The following DESI1 variants were observed in gnomAD, a reference collection of about 807,000 sequenced individuals.
DESI1 encodes the protein PPPDE peptidase domain containing 2.
A neutral mutation model predicts 22.4 loss-of-function variants in DESI1; 17 were observed. That is an observed-to-expected ratio of 0.76 (90% CI 0.52 to 1.14). DESI1 has a LOEUF of 1.14. Among genes scored for constraint, DESI1 ranks in the 50% most tolerant of loss-of-function variants. The pLI, the probability that DESI1 is intolerant of heterozygous loss-of-function variation, is 0.00. For missense variants in DESI1, 177 were observed against 208.9 expected, an observed-to-expected ratio of 0.85 and a Z score of 0.94; for synonymous variants, 92 against 84.2, an observed-to-expected ratio of 1.09 and a Z score of -0.51.
In DESI1 at chr22:41,621,029, T is replaced by C. The variant is rs936774222; in HGVS notation, c.-190A>G. 1.8e-5 allele frequency: 11 copies of C among 605,918 alleles called. No homozygotes were observed. Among genetic ancestry groups the C allele is most frequent in the South Asian group, 1.2e-4 (6 of 48,400 alleles). The allele number at this position is 605,918 out of a possible 1,614,324, so 37.5% of individuals were successfully genotyped here. A position where few individuals can be genotyped will look rare whatever the true frequency, so the allele number is the denominator to read the frequency against. On this transcript the variant is annotated 5_prime_UTR_variant, in exon 1 of 6. Coordinates refer to ENST00000263256, the MANE Select transcript of DESI1 (RefSeq NM_015704.3). ...CACCCGCTACCGGCAACGACTACTG[T>C]GAGGTGACAGAGAGGGGACAGGGAG...
At position 41,607,319 on chromosome 22, in the gene DESI1, T is replaced by G. The variant is rs1246280834; in HGVS notation, c.123A>C (p.Ile41=). ...AGAAGAACTCATCCTTGTGCACAAC[T>G]ATGGATGTGTGCCTGTCACACAGAG... ...KQLEGIWHTS[I]VVHKDEFFFG... is the part of the protein sequence containing the mutation. The change falls in exon 3 of 6, where the codon ATA becomes ATC. Residue 41 remains isoleucine, a synonymous_variant. Transcript: ENST00000263256. 6.2e-7 allele frequency: 1 copy of G among 1,611,874 alleles called. No individual in the cohort carries two copies. Among genetic ancestry groups the G allele is most frequent in the African/African-American group, 1.3e-5 (1 of 74,718 alleles).
chr22:41,612,448 T>C (rs943790799), intron 1 of DESI1, among the ~76,000 whole-genome samples: 40 of 148,450 alleles, frequency 2.7e-4, no homozygotes, highest in African/African-American at 9.2e-4. Context: ...GGTGTTGCAG[T>C]GAGCTGCGAT....
chr22:41,601,199 A>G lies in DESI1; in HGVS notation c.414-9T>C, dbSNP rs199719402. 85 of 1,602,894 alleles carry G rather than the reference A, an allele frequency of 5.3e-5. No homozygotes were observed. Among genetic ancestry groups the G allele is most frequent in the Non-Finnish European group, 6.9e-5 (81 of 1,175,040 alleles). ...GTGCCTGTCCAAAGGGCCTGCAAGG[A>G]AACAGAGACATGAGAGGGGTGGGCT... On this transcript the variant is annotated splice_polypyrimidine_tract_variant and intron_variant, in intron 5 of 5. Transcript: ENST00000263256.
At chr22:41,610,897 TG>T (rs2067513312) in intron 1 of DESI1, among the ~76,000 whole-genome samples, 1 of 147,484 alleles carries the variant, frequency 6.8e-6, no homozygotes, top group African/African-American at 2.5e-5. Flanking sequence ...AGACCACAAG[TG>T]GATAGAGGGA....
At chr22:41,605,408 G>C (rs956915532) in intron 3 of DESI1, among the ~76,000 whole-genome samples, 2 of 152,144 alleles carry the variant, frequency 1.3e-5, no homozygotes, top group African/African-American at 4.8e-5. Flanking sequence ...AACGGGATCA[G>C]CAGGAGAACA....
At chr22:41,615,272 T>TAAAAA (rs58574960) in intron 1 of DESI1, among the ~76,000 whole-genome samples, 4 of 108,490 alleles carry the variant, frequency 3.7e-5, no homozygotes, top group East Asian at 2.7e-4. Context: ...TACTAAAAAT[T>TAAAAA]AAAAAAAAAA....
intron 3 of DESI1, among the ~76,000 whole-genome samples, chr22:41,604,535 C>T (rs2067468067): frequency 6.6e-6 from 1 of 152,130 alleles, no homozygotes; most frequent in Non-Finnish European, 1.5e-5. Context: ...GTGTGAGCTA[C>T]TGCGCCCAGC....
intron 3 of DESI1, among the ~76,000 whole-genome samples, chr22:41,604,401 A>G (rs1331946472): frequency 6.6e-6 from 1 of 151,964 alleles, no homozygotes; most frequent in East Asian, 1.9e-4. Context: ...GCCTGCCACC[A>G]TGCCCAGATA....
intron 1 of DESI1, among the ~76,000 whole-genome samples, chr22:41,617,570 A>C (rs6002422): frequency 4.6e-5 from 7 of 152,360 alleles, no homozygotes; most frequent in African/African-American, 1.7e-4. Context: ...GGGATGAATC[A>C]GTAAGACCAT....
intron 1 of DESI1, among the ~76,000 whole-genome samples, chr22:41,611,871 G>A (rs898222097): frequency 1.1e-4 from 17 of 152,226 alleles, no homozygotes; most frequent in Middle Eastern, 3.4e-3. Flanking sequence ...GATTACAGGC[G>A]TGAGCTACCG....
intron 4 of DESI1, 104 bp from the exon 5 acceptor site, chr22:41,603,485 G>C: frequency 6.5e-7 from 1 of 1,538,014 alleles, no homozygotes. Context: ...TCAATGTGAG[G>C]ATTGCGATTT....
intron 1 of DESI1, among the ~76,000 whole-genome samples, chr22:41,609,079 T>C (rs2067500695): frequency 6.6e-6 from 1 of 152,126 alleles, no homozygotes; most frequent in African/African-American, 2.4e-5. Flanking sequence ...GTAGCTGGGA[T>C]TACAGGCATG....
At position 41,607,341 on chromosome 22, in the gene DESI1, A is replaced by T; in HGVS notation, c.111-10T>A. 1 of 1,604,456 alleles carries T rather than the reference A, an allele frequency of 6.2e-7. No individual in the cohort carries two copies. The highest frequency in any genetic ancestry group is 8.5e-7 in the Non-Finnish European group (1 of 1,175,956). Reference sequence around the variant, plus strand: ...AACTATGGATGTGTGCCTGTCACACAGAGAGAGACACAGTAAGCCAGAAAA... The same window carrying T: ...AACTATGGATGTGTGCCTGTCACACTGAGAGAGACACAGTAAGCCAGAAAA... On this transcript the variant is annotated splice_polypyrimidine_tract_variant and intron_variant, in intron 2 of 5. Coordinates refer to ENST00000263256, the MANE Select transcript of DESI1 (RefSeq NM_015704.3).
At chr22:41,614,647 T>C (rs1404849555) in intron 1 of DESI1, among the ~76,000 whole-genome samples, 1 of 129,892 alleles carries the variant, frequency 7.7e-6, no homozygotes, top group Non-Finnish European at 1.6e-5. Flanking sequence ...TGCAGTGGCA[T>C]GATCTCGGCT....
rs766021583 is a variant in DESI1 at position 41,607,340 on chromosome 22, CAG to C, written c.111-11_111-10del. 9.4e-6 allele frequency: 15 copies of C among 1,603,810 alleles called. No homozygotes were observed. The highest frequency in any genetic ancestry group is 1.3e-5 in the Non-Finnish European group (15 of 1,175,868). ...CAACTATGGATGTGTGCCTGTCACACAGAGAGAGACACAGTAAGCCAGAAAAC... is the reference window on the plus strand; with the variant it reads ...CAACTATGGATGTGTGCCTGTCACACAGAGAGACACAGTAAGCCAGAAAAC... On this transcript the variant is annotated splice_polypyrimidine_tract_variant and intron_variant, in intron 2 of 5. Coordinates refer to ENST00000263256, the MANE Select transcript of DESI1 (RefSeq NM_015704.3).
intron 1 of DESI1, among the ~76,000 whole-genome samples, chr22:41,617,193 T>A (rs1175390456): frequency 6.6e-6 from 1 of 152,136 alleles, no homozygotes; most frequent in East Asian, 1.9e-4. Context: ...GAACGCGAGC[T>A]CTGGAAGTCA....
At chr22:41,608,273 C>G (rs978960360) in intron 1 of DESI1, among the ~76,000 whole-genome samples, 1 of 152,098 alleles carries the variant, frequency 6.6e-6, no homozygotes, top group Non-Finnish European at 1.5e-5. Context: ...CAAATGCTAT[C>G]CATTTAAATA....
chr22:41,617,257 G>A (rs1601516814), intron 1 of DESI1, among the ~76,000 whole-genome samples: 1 of 152,164 alleles, frequency 6.6e-6, no homozygotes, highest in East Asian at 1.9e-4. Flanking sequence ...GGGACCTGGG[G>A]CAAATTCCTT....
rs2067438905 is a variant in DESI1 at position 41,599,681 on chromosome 22, T to G, written c.*1416A>C. ...TTCAAGCGATTCTCCTGCCTCAGCC[T>G]CCCGAGTAGCTGGGACTACAGGCAT... On this transcript the variant is annotated 3_prime_UTR_variant, in exon 6 of 6. Coordinates refer to ENST00000263256, the MANE Select transcript of DESI1 (RefSeq NM_015704.3). 1 of 152,018 alleles carries G rather than the reference T, an allele frequency of 6.6e-6. No homozygotes were observed. Among genetic ancestry groups the G allele is most frequent in the African/African-American group, 2.4e-5 (1 of 41,418 alleles). 9.4% of individuals were successfully genotyped at this position (152,018 alleles called of 1,614,324 possible).
Sources: gnomAD v4.1 joint callset for allele counts (sites outside exome capture counted in the v4.1 genomes callset) on GRCh38, gnomAD v4.1.1 for gene constraint, MANE v1.5 for transcripts, NCBI Gene and HGNC (gene_info 2026-07-23, HGNC 2026-07-21) for gene names.